Variants in PRH1 observed in about 807,000 individuals in gnomAD.
PRH1 encodes the protein salivary acidic proline-rich phosphoprotein 1/2.
A neutral mutation model predicts 7.9 loss-of-function variants in PRH1; 7 were observed. That is an observed-to-expected ratio of 0.89 (90% CI 0.50 to 1.67). The LOEUF is 1.67. PRH1 is among the 40% of genes most tolerant of loss of function. The pLI, the probability that PRH1 is intolerant of heterozygous loss-of-function variation, is 0.00. For synonymous variants in PRH1, 45 were observed against 80.8 expected (o/e 0.56, Z 2.38); for missense variants, 109 against 223.6 (o/e 0.49, Z 3.27).
intron 2 of PRH1, among the ~76,000 whole-genome samples, chr12:10,924,292 T>C (rs1950095457): frequency 6.6e-6 from 1 of 152,134 alleles, no homozygotes. Context: ...CAGCCTCATT[T>C]CTCCATCTAT....
Position 11,041,220 on chromosome 12 carries a change from T to C in PRH1, c.-126+5800A>G, listed in dbSNP as rs1201644840. 9.4e-5 allele frequency among the ~76,000 whole-genome samples: 14 copies of C among 148,924 alleles called. 1 individual carries two copies. Among genetic ancestry groups the C allele is most frequent in the Admixed American group, 8.0e-4 (12 of 14,972 alleles). ...ATCTGTTGCCTCTAAGAAACACACTTTGCCTATAAAGACATGCACAGAGAG... is the reference window on the plus strand; with the variant it reads ...ATCTGTTGCCTCTAAGAAACACACTCTGCCTATAAAGACATGCACAGAGAG... On this transcript the variant is annotated intron_variant, in intron 1 of 3. Transcript: ENST00000539853.
At chr12:11,023,495 C>A (rs1405581315) in intron 1 of PRH1, among the ~76,000 whole-genome samples, 3 of 151,834 alleles carry the variant, frequency 2.0e-5, no homozygotes, top group Non-Finnish European at 4.4e-5. Context: ...TTCTAAGTAC[C>A]CTACTCTTTG....
intron 1 of PRH1, among the ~76,000 whole-genome samples, chr12:10,993,623 G>A (rs900520225): frequency 6.6e-5 from 10 of 151,410 alleles, no homozygotes; most frequent in African/African-American, 2.2e-4. Flanking sequence ...CACAATATTT[G>A]TTGGGCCTAC....
intron 2 of PRH1, among the ~76,000 whole-genome samples, chr12:10,905,961 T>C (rs1419994064): frequency 6.6e-6 from 1 of 152,162 alleles, no homozygotes; most frequent in Non-Finnish European, 1.5e-5. Flanking sequence ...ACCATATGAG[T>C]GCAGAGGTGA....
chr12:11,054,630 G>C (rs200355653), intron 1 of PRH1, among the ~76,000 whole-genome samples: 1 of 37,810 alleles, frequency 2.6e-5, no homozygotes, highest in African/African-American at 5.3e-5. Flanking sequence ...ATTTCATTTA[G>C]AGATAAATTT....
At chr12:11,056,994 A>C (rs76889422) in intron 1 of PRH1, among the ~76,000 whole-genome samples, 1 of 138,258 alleles carries the variant, frequency 7.2e-6, no homozygotes, top group East Asian at 2.1e-4. Context: ...AGACACCAGT[A>C]AGAACTTTCA....
chr12:10,911,548 G>GTAAA (rs983264519), intron 2 of PRH1, among the ~76,000 whole-genome samples: 8 of 152,168 alleles, frequency 5.3e-5, no homozygotes, highest in Non-Finnish European at 8.8e-5. Flanking sequence ...GTTTGAGTAT[G>GTAAA]TAAAGTATTT....
chr12:11,002,904 T>C (rs1264706315), intron 1 of PRH1, among the ~76,000 whole-genome samples: 1 of 152,066 alleles, frequency 6.6e-6, no homozygotes, highest in Non-Finnish European at 1.5e-5. Flanking sequence ...TAGGGATAAA[T>C]GTAGCAAAAA....
intron 1 of PRH1, among the ~76,000 whole-genome samples, chr12:11,123,894 T>G (rs1946004290): frequency 6.6e-6 from 1 of 152,224 alleles, no homozygotes; most frequent in Non-Finnish European, 1.5e-5. Context: ...ATAAATTATT[T>G]TCTACAGGGA....
chr12:11,121,799 C>T (rs796779106), intron 1 of PRH1, among the ~76,000 whole-genome samples: 1 of 130,870 alleles, frequency 7.6e-6, no homozygotes, highest in Non-Finnish European at 1.7e-5. Flanking sequence ...AAAACCTACC[C>T]CAAAGATACA....
chr12:10,961,756 A>G (rs73262938), intron 2 of PRH1, among the ~76,000 whole-genome samples: 1,966 of 152,312 alleles, frequency 0.013, 38 homozygotes, highest in African/African-American at 0.045. Context: ...ACCCTGGCCA[A>G]TGGAAAATGG....
At chr12:11,002,510 G>T (rs1940642017) in intron 1 of PRH1, among the ~76,000 whole-genome samples, 1 of 151,992 alleles carries the variant, frequency 6.6e-6, no homozygotes, top group South Asian at 2.1e-4. Flanking sequence ...TCTCCTTTGG[G>T]CTGTTTAATT....
chr12:11,027,071 C>T (rs1345459345), intron 1 of PRH1, among the ~76,000 whole-genome samples: 3 of 152,214 alleles, frequency 2.0e-5, no homozygotes, highest in East Asian at 1.9e-4. Context: ...TTGAGACCAG[C>T]CTGGGTAACA....
chr12:10,940,416 C>T (rs1045973962), intron 2 of PRH1, among the ~76,000 whole-genome samples: 2 of 152,134 alleles, frequency 1.3e-5, no homozygotes, highest in Non-Finnish European at 2.9e-5. Context: ...ATTCCGGAGA[C>T]TTTGGAAATA....
At chr12:11,001,099 C>T (rs1565538485) in intron 1 of PRH1, among the ~76,000 whole-genome samples, 1 of 151,772 alleles carries the variant, frequency 6.6e-6, no homozygotes, top group African/African-American at 2.4e-5. Context: ...AAAGCTTGGT[C>T]TACACATCCT....
chr12:10,954,997 C>A (rs1465915916), intron 2 of PRH1, among the ~76,000 whole-genome samples: 1 of 152,122 alleles, frequency 6.6e-6, no homozygotes, highest in Non-Finnish European at 1.5e-5. Context: ...GATTTCAACA[C>A]CCCACCAACA....
chr12:11,009,485 C>T (rs553857042), intron 1 of PRH1, among the ~76,000 whole-genome samples: 2 of 152,052 alleles, frequency 1.3e-5, no homozygotes, highest in South Asian at 2.1e-4. Flanking sequence ...CCCCATTTCT[C>T]ATCTCTAATC....
At chr12:10,929,188 C>T (rs1405185920) in intron 2 of PRH1, 29 of 1,586,536 alleles carry the variant, frequency 1.8e-5, no homozygotes, top group East Asian at 2.2e-5. Flanking sequence ...AGCTCAAATG[C>T]GCCATTGTCC....
At chr12:11,133,546 G>C in intron 1 of PRH1, 1 of 1,614,176 alleles carries the variant, frequency 6.2e-7, no homozygotes, top group Non-Finnish European at 8.5e-7. Context: ...ACAGAAGAAA[G>C]GAGGTCACAG....
Sources: gnomAD v4.1 joint callset for allele counts (sites outside exome capture counted in the v4.1 genomes callset) on GRCh38, gnomAD v4.1.1 for gene constraint, MANE v1.5 for transcripts, NCBI Gene and HGNC (gene_info 2026-07-23, HGNC 2026-07-21) for gene names.